The following RBFOX3 variants were observed in gnomAD, a reference collection of about 807,000 sequenced individuals.
The protein encoded by RBFOX3 is RNA binding protein fox-1 homolog 3.
A neutral mutation model predicts 48.7 loss-of-function variants in RBFOX3; 17 were observed. That is an observed-to-expected ratio of 0.35 (90% confidence interval 0.24 to 0.52). The LOEUF (loss-of-function observed/expected upper bound fraction) is 0.52. RBFOX3 is among the 20% of genes least tolerant of loss of function. The probability of loss-of-function intolerance (pLI) is 0.94; values close to 1 mark genes in which losing one functional copy is unlikely to be tolerated. For synonymous variants in RBFOX3, 212 were observed against 209.5 expected, an observed-to-expected ratio of 1.01 and a Z score of -0.10; for missense variants, 382 against 497.5, an observed-to-expected ratio of 0.77 and a Z score of 2.21.
chr17:79,183,324 G>C (rs1448585880), intron 4 of RBFOX3: 6 of 152,804 alleles, frequency 3.9e-5, no homozygotes, highest in Non-Finnish European at 5.9e-5. Flanking sequence ...TGCTGCCGGA[G>C]TTGGACAGCA....
the RBFOX3 span, among the ~76,000 whole-genome samples, chr17:79,658,897 G>A: frequency 6.6e-6 from 1 of 152,246 alleles, no homozygotes; most frequent in Non-Finnish European, 1.5e-5. Flanking sequence ...TTTGCAATGA[G>A]CGCTTCCTGC....
chr17:79,387,396 G>A (rs2060701371), intron 2 of RBFOX3, among the ~76,000 whole-genome samples: 1 of 152,202 alleles, frequency 6.6e-6, no homozygotes, highest in Admixed American at 6.5e-5. Flanking sequence ...AACACACTCT[G>A]GGGAACACTC....
chr17:79,439,614 GCACA>G (rs2070391266), intron 2 of RBFOX3, among the ~76,000 whole-genome samples: 2 of 152,226 alleles, frequency 1.3e-5, no homozygotes, highest in South Asian at 4.1e-4. Context: ...TGTATGTCAT[GCACA>G]CACTCAGCTC....
intron 2 of RBFOX3, among the ~76,000 whole-genome samples, chr17:79,353,679 C>T (rs997008368): frequency 3.9e-5 from 6 of 152,222 alleles, no homozygotes; most frequent in African/African-American, 1.4e-4. Flanking sequence ...AGCTGCGTGT[C>T]TTCTGGGGCC....
At chr17:79,345,413 G>A (rs888141969) in intron 2 of RBFOX3, among the ~76,000 whole-genome samples, 20 of 152,262 alleles carry the variant, frequency 1.3e-4, no homozygotes, top group Middle Eastern at 3.4e-3. Flanking sequence ...TTCATAAAGG[G>A]ATTGAACCAA....
the RBFOX3 span, among the ~76,000 whole-genome samples, chr17:79,632,906 C>A: frequency 6.6e-6 from 1 of 152,168 alleles, no homozygotes; most frequent in Admixed American, 6.5e-5. Context: ...CAGAGCAAGA[C>A]CCTGCCTTGA....
At chr17:79,662,143 T>TTTTTTTTTTTTTG in the RBFOX3 span, among the ~76,000 whole-genome samples, 1 of 144,826 alleles carries the variant, frequency 6.9e-6, no homozygotes, top group Non-Finnish European at 1.5e-5. Context: ...TTTTTTTTTT[T>TTTTTTTTTTTTTG]GAGTCGGAGT....
intron 3 of RBFOX3, among the ~76,000 whole-genome samples, chr17:79,281,360 T>C (rs941379964): frequency 1.4e-5 from 2 of 145,704 alleles, no homozygotes; most frequent in Non-Finnish European, 3.0e-5. Flanking sequence ...TTTGGATATA[T>C]GGGGTTAGCT....
intron 1 of RBFOX3, among the ~76,000 whole-genome samples, chr17:79,566,231 C>A (rs1420625784): frequency 6.6e-6 from 1 of 152,172 alleles, no homozygotes; most frequent in African/African-American, 2.4e-5. Flanking sequence ...GTTATTCAAC[C>A]AATTACGAAT....
At position 79,580,388 on chromosome 17, in the gene RBFOX3, C is replaced by G. The variant is rs991588432; in HGVS notation, c.-320+30438G>C. ...ATCCCACCCCGAGCAACAGCATGTC[C>G]TATCTTTTCATAGGTTTAAACCACA... On this transcript the variant is annotated intron_variant, in intron 1 of 14. Transcript: ENST00000693108. Among the ~76,000 whole-genome samples, 123 of 151,866 alleles carry G rather than the reference C, an allele frequency of 8.1e-4. 4 individuals are homozygous for G. The South Asian group carries it at 0.018, about 22-fold the overall frequency.
At chr17:79,650,834 C>T in the RBFOX3 span, among the ~76,000 whole-genome samples, 12 of 152,192 alleles carry the variant, frequency 7.9e-5, no homozygotes, top group African/African-American at 1.2e-4. Flanking sequence ...CATCTCCAAG[C>T]GCCCTGCAGG....
chr17:79,490,864 A>G (rs1434238828), intron 1 of RBFOX3, among the ~76,000 whole-genome samples: 8 of 150,942 alleles, frequency 5.3e-5, no homozygotes, highest in African/African-American at 1.2e-4. Context: ...GGTGCCTGGC[A>G]CACCCCAGGT....
At position 79,254,380 on chromosome 17, in the gene RBFOX3, T is replaced by C. The variant is rs2064440047; in HGVS notation, c.-73-18575A>G. ...TACTCCTGAGACCCTCAGCCCTAGC[T>C]CCACATACCCCCAAACCTGCCCCCC... On this transcript the variant is annotated intron_variant, in intron 3 of 14. Transcript: ENST00000693108. This position sits in a 1 kb window ranked among gnomAD's most constrained non-coding sequence, Gnocchi z 4.8. Among the ~76,000 whole-genome samples the C allele has an allele frequency of 6.6e-6, 1 of 151,230 alleles. No homozygotes were observed. Among genetic ancestry groups the C allele is most frequent in the Non-Finnish European group, 1.5e-5 (1 of 67,818 alleles).
At chr17:79,303,945 A>G (rs960947676) in intron 3 of RBFOX3, among the ~76,000 whole-genome samples, 1 of 152,072 alleles carries the variant, frequency 6.6e-6, no homozygotes, top group South Asian at 2.1e-4. Context: ...GGGAAGGAAC[A>G]TGAAGCCAGA....
In RBFOX3 at chr17:79,423,341, T is replaced by C. The variant is rs1555723769; in HGVS notation, c.-175+59113A>G. ...GCCAGGAGCCAGGATGATTCTGCTT[T>C]CAATGCTTGTGCAGATCCTGCCGCA... On this transcript the variant is annotated intron_variant, in intron 2 of 14. Transcript: ENST00000693108. This position sits in a 1 kb window ranked among gnomAD's most constrained non-coding sequence, Gnocchi z 4.9. 2.0e-5 allele frequency among the ~76,000 whole-genome samples: 3 copies of C among 152,264 alleles called. No homozygotes were observed. The highest frequency in any genetic ancestry group is 7.2e-5 in the African/African-American group (3 of 41,550).
chr17:79,200,627 GT>G (rs1283597618), intron 4 of RBFOX3, among the ~76,000 whole-genome samples: 1 of 152,174 alleles, frequency 6.6e-6, no homozygotes, highest in Admixed American at 6.5e-5. Flanking sequence ...GGGACATGAG[GT>G]GTCTCAGGTC....
intron 2 of RBFOX3, among the ~76,000 whole-genome samples, chr17:79,347,596 G>C (rs1315324145): frequency 6.6e-6 from 1 of 151,860 alleles, no homozygotes; most frequent in Non-Finnish European, 1.5e-5. Flanking sequence ...CATCAAGCTG[G>C]TCCTCCAATT....
At chr17:79,564,605 T>C (rs2092385268) in intron 1 of RBFOX3, among the ~76,000 whole-genome samples, 1 of 152,186 alleles carries the variant, frequency 6.6e-6, no homozygotes, top group African/African-American at 2.4e-5. Context: ...CCAAGATTTA[T>C]GTACAAGGAA....
chr17:79,430,134 A>G (rs769187305), intron 2 of RBFOX3, among the ~76,000 whole-genome samples: 26 of 152,320 alleles, frequency 1.7e-4, no homozygotes, highest in Admixed American at 3.3e-4. Flanking sequence ...CACAGGGGCC[A>G]GCCAGCCGTC....
Sources: allele counts gnomAD v4.1 joint callset (sites outside exome capture counted in the v4.1 genomes callset), GRCh38; gene constraint gnomAD v4.1.1; non-coding constraint Gnocchi (gnomAD v3.1); transcripts MANE v1.5; gene names NCBI Gene and HGNC (gene_info 2026-07-23, HGNC 2026-07-21).